The following UGT1A7 variants were observed in gnomAD, a reference collection of about 807,000 sequenced individuals.
The protein encoded by UGT1A7 is UDP-glucuronosyltransferase 1A7.
A neutral mutation model predicts 45.6 loss-of-function variants in UGT1A7; 33 were observed. The observed-to-expected ratio is 0.72, with a 90% CI of 0.55 to 0.97. The LOEUF (loss-of-function observed/expected upper bound fraction) is 0.97, where lower values mean the gene tolerates loss of function less well. Ranked by LOEUF, UGT1A7 falls within the 50% of genes least tolerant of loss-of-function variation. UGT1A7 has a pLI of 0.00. For synonymous variants in UGT1A7, 274 were observed against 250.6 expected (o/e 1.09, Z -0.88); for missense variants, 684 against 666.2 (o/e 1.03, Z -0.29).
At position 233,767,859 on chromosome 2, in the gene UGT1A7, G is replaced by A. The variant is rs750453538; in HGVS notation, c.998G>A (p.Arg333Gln). ...LGKIPQTVLW[R>Q]YTGTRPSNLA... The stretch of plus-strand genomic sequence containing the variant: ...TTTTGCCCCTCCCAGGTCCTGTGGC[G>A]GTACACTGGAACCCGACCATCGAAT... The change falls in exon 3 of 5, where the codon CGG becomes CAG. Residue 333 changes from arginine to glutamine, a missense_variant. Arg to Gln is a conservative substitution (Grantham distance 43). Transcript: ENST00000373426. 15 of 1,613,938 alleles carry A rather than the reference G, an allele frequency of 9.3e-6. No homozygotes were observed. The highest frequency in any genetic ancestry group is 5.3e-5 in the African/African-American group (4 of 74,850).
rs548391374 is a variant in UGT1A7 at position 233,743,280 on chromosome 2, T to C, written c.856-23754T>C. The C allele has an allele frequency of 1.0e-5, 5 of 493,342 alleles. No homozygotes were observed. In the East Asian group the frequency reaches 3.5e-4, roughly 34 times the overall value. The allele number at this position is 493,342 out of a possible 1,614,324, so 30.6% of individuals were successfully genotyped here. The stretch of plus-strand genomic sequence containing the variant: ...CATCTTCCTCCACTTCCACCCTTTC[T>C]TGGCCATTCTCAATGATTCTCTTGG... On this transcript the variant is annotated intron_variant, in intron 1 of 4. Coordinates refer to ENST00000373426, the MANE Select transcript of UGT1A7 (RefSeq NM_019077.3).
intron 1 of UGT1A7, among the ~76,000 whole-genome samples, chr2:233,685,069 A>AT (rs1419211774): frequency 6.6e-6 from 1 of 151,848 alleles, no homozygotes; most frequent in Non-Finnish European, 1.5e-5. Flanking sequence ...TGCACAGGAG[A>AT]TTTTTTTTCT....
intron 1 of UGT1A7, chr2:233,743,754 C>A (rs547258685): frequency 7.3e-7 from 1 of 1,367,378 alleles, no homozygotes; most frequent in Admixed American, 1.9e-5. Flanking sequence ...TCCGACAACA[C>A]CTCGTAGGCC....
rs374192063 is a variant in UGT1A7, at chr2:233,743,919, T to C, written c.856-23115T>C. On this transcript the variant is annotated intron_variant, in intron 1 of 4. Coordinates refer to ENST00000373426, the MANE Select transcript of UGT1A7 (RefSeq NM_019077.3). ...AGCACCTCGTAGTAGTCCACCATGC[T>C]GGATGGCCAGAACGGCCCACCAGGC... The C allele has an allele frequency of 3.5e-4, 473 of 1,363,952 alleles. 9 individuals are homozygous for C. The highest frequency in any genetic ancestry group is 2.5e-3 in the African/African-American group (172 of 67,460). 84.5% of individuals were successfully genotyped at this position (1,363,952 alleles called of 1,614,324 possible).
At chr2:233,722,148 A>T (rs2076994067) in intron 1 of UGT1A7, 1 of 162,512 alleles carries the variant, frequency 6.2e-6, no homozygotes, top group Non-Finnish European at 1.3e-5. Flanking sequence ...CTCCTGCAGG[A>T]CAAGATGTGT....
At chr2:233,718,732 G>T (rs2076679181) in intron 1 of UGT1A7, 8 of 1,611,122 alleles carry the variant, frequency 5.0e-6, no homozygotes, top group Non-Finnish European at 5.9e-6. Flanking sequence ...TTGCTAGGTG[G>T]CTCAATGACA....
At chr2:233,758,953 C>T (rs1697026708) in intron 1 of UGT1A7, among the ~76,000 whole-genome samples, 1 of 152,184 alleles carries the variant, frequency 6.6e-6, no homozygotes. Flanking sequence ...ATCAGAATTT[C>T]CCCAAATGCC....
intron 1 of UGT1A7, among the ~76,000 whole-genome samples, chr2:233,697,011 C>A (rs1017901649): frequency 6.6e-6 from 1 of 151,922 alleles, no homozygotes; most frequent in African/African-American, 2.4e-5. Flanking sequence ...CATCTATGTT[C>A]GTCAGAGATA....
intron 1 of UGT1A7, among the ~76,000 whole-genome samples, chr2:233,715,914 T>C (rs554442850): frequency 1.6e-4 from 24 of 152,214 alleles, no homozygotes; most frequent in Non-Finnish European, 3.1e-4. Context: ...GGGAGGATCA[T>C]TGAGCTCAGG....
Position 233,713,826 on chromosome 2 carries a change from A to G in UGT1A7, c.855+31034A>G, listed in dbSNP as rs973354070. 6.2e-6 allele frequency: 10 copies of G among 1,613,990 alleles called. No individual in the cohort carries two copies. The African/African-American group carries it at 1.3e-4, about 22-fold the overall frequency. ...GCCCAACATGGTCTTCATTGGGGGC[A>G]TCAACTGTGCCAACGGGAAGCCACT... is the stretch of plus-strand genomic sequence containing the variant. On this transcript the variant is annotated intron_variant, in intron 1 of 4. Coordinates refer to ENST00000373426, the MANE Select transcript of UGT1A7 (RefSeq NM_019077.3).
At chr2:233,759,284 T>G (rs1280598347) in intron 1 of UGT1A7, among the ~76,000 whole-genome samples, 1 of 152,192 alleles carries the variant, frequency 6.6e-6, no homozygotes, top group Non-Finnish European at 1.5e-5. Flanking sequence ...GATTGGTTGA[T>G]GAAGCTGAGC....
intron 1 of UGT1A7, among the ~76,000 whole-genome samples, chr2:233,764,956 C>T (rs371892810): frequency 2.6e-5 from 4 of 152,042 alleles, no homozygotes; most frequent in Non-Finnish European, 5.9e-5. Context: ...AGAGAGGGCT[C>T]ACCTTGGGAG....
chr2:233,757,535 AATATAT>A (rs67292694), intron 1 of UGT1A7, among the ~76,000 whole-genome samples: 4 of 88,308 alleles, frequency 4.5e-5, no homozygotes, highest in East Asian at 2.8e-4. Flanking sequence ...GCCTGTAAGG[AATATAT>A]ATATATATAT....
intron 1 of UGT1A7, among the ~76,000 whole-genome samples, chr2:233,685,328 C>T (rs45629530): frequency 8.6e-5 from 13 of 152,044 alleles, no homozygotes; most frequent in Admixed American, 4.6e-4. Flanking sequence ...CCACCACACC[C>T]GGACTTAAAG....
intron 1 of UGT1A7, among the ~76,000 whole-genome samples, chr2:233,727,276 C>G (rs1480742457): frequency 6.6e-6 from 1 of 152,140 alleles, no homozygotes; most frequent in Non-Finnish European, 1.5e-5. Context: ...CATCTCCAGA[C>G]CCTGGAAGCT....
intron 1 of UGT1A7, among the ~76,000 whole-genome samples, chr2:233,742,305 A>G (rs1353036304): frequency 6.6e-6 from 1 of 152,010 alleles, no homozygotes; most frequent in African/African-American, 2.4e-5. Context: ...AGATTAACTA[A>G]AAGTATTCCT....
intron 1 of UGT1A7, among the ~76,000 whole-genome samples, chr2:233,766,000 G>A (rs1299002153): frequency 1.3e-5 from 2 of 152,106 alleles, no homozygotes; most frequent in African/African-American, 2.4e-5. Context: ...TCCAGTGGGC[G>A]TGGGTTATGG....
At chr2:233,719,697 G>A in intron 1 of UGT1A7, 1 of 1,613,928 alleles carries the variant, frequency 6.2e-7, no homozygotes. Context: ...GGTCTGTATT[G>A]GTGCCTTCAT....
At chr2:233,724,697 C>T (rs1320609945) in intron 1 of UGT1A7, among the ~76,000 whole-genome samples, 4 of 144,998 alleles carry the variant, frequency 2.8e-5, no homozygotes, top group East Asian at 2.2e-4. Context: ...CGGGTGAAGA[C>T]GCTCCTCGCT....
Sources: allele counts gnomAD v4.1 joint callset (sites outside exome capture counted in the v4.1 genomes callset), GRCh38; gene constraint gnomAD v4.1.1; transcripts MANE v1.5; gene names NCBI Gene and HGNC (gene_info 2026-07-23, HGNC 2026-07-21).